EFCC1: variants seen among roughly 807,000 people sequenced by gnomAD.
EFCC1 encodes EF-hand and coiled-coil domain containing 1.
In EFCC1, 50 loss-of-function variants were observed where a neutral mutation model predicts 52.1. The ratio of observed to expected loss-of-function variants is 0.96; its 90% confidence interval spans 0.76 to 1.21. EFCC1 has a LOEUF of 1.21. Ranked by LOEUF, EFCC1 falls within the 50% of genes most tolerant of loss-of-function variation. EFCC1 has a pLI of 0.00. For missense variants in EFCC1, 837 were observed against 867.3 expected (o/e 0.97, Z 0.44); for synonymous variants, 399 against 396.5 (o/e 1.01, Z -0.08).
In EFCC1 at chr3:129,001,497, G is replaced by C. The variant is rs916569327; in HGVS notation, c.-132G>C. 16 of 1,290,110 alleles carry C rather than the reference G, an allele frequency of 1.2e-5. No homozygotes were observed. The South Asian group carries it at 2.9e-4, about 23-fold the overall frequency. The allele number at this position is 1,290,110 out of a possible 1,614,324, so 79.9% of individuals were successfully genotyped here. A position where few individuals can be genotyped will look rare whatever the true frequency, so the allele number is the denominator to read the frequency against. On this transcript the variant is annotated 5_prime_UTR_variant, in exon 1 of 8. Transcript: ENST00000683648. ...GAGGCCAGCGCAGCTGCTGGACACG[G>C]TCCCCGGCGCCGCTCCAACCAGACC...
At chr3:129,036,323 C>T (rs565487837) in intron 5 of EFCC1, among the ~76,000 whole-genome samples, 4 of 152,376 alleles carry the variant, frequency 2.6e-5, no homozygotes, top group African/African-American at 9.6e-5. Context: ...AGGCACCACA[C>T]TTTCCACTGC....
chr3:129,030,010 C>G (rs1946238667), intron 2 of EFCC1, among the ~76,000 whole-genome samples: 1 of 151,696 alleles, frequency 6.6e-6, no homozygotes, highest in Admixed American at 6.6e-5. Flanking sequence ...CATGGCAAAA[C>G]CCTGTCCCCA....
chr3:129,026,770 C>G (rs1253318550), intron 2 of EFCC1, among the ~76,000 whole-genome samples: 2 of 152,158 alleles, frequency 1.3e-5, no homozygotes, highest in African/African-American at 4.8e-5. Context: ...GAGATCTCAA[C>G]TATTATGACC....
chr3:129,022,795 CCCCATGGCT>C (rs773027630), intron 2 of EFCC1, among the ~76,000 whole-genome samples: 39 of 152,200 alleles, frequency 2.6e-4, no homozygotes, highest in Non-Finnish European at 3.7e-4. Context: ...AGACCATTTC[CCCCATGGCT>C]CCCGAAAGAC....
chr3:129,038,780 C>T (rs1286291291), intron 6 of EFCC1, 51 bp from the exon 7 acceptor site: 1 of 1,586,304 alleles, frequency 6.3e-7, no homozygotes, highest in Non-Finnish European at 8.6e-7. Flanking sequence ...ATCGGCTGAA[C>T]AGGGACACAG....
Position 129,002,139 on chromosome 3 carries a change from G to T in EFCC1, c.511G>T (p.Glu171Ter), listed in dbSNP as rs529712866. 5 of 1,474,814 alleles carry T rather than the reference G, an allele frequency of 3.4e-6. No homozygotes were observed. The South Asian group carries it at 6.8e-5, about 20-fold the overall frequency. The allele number at this position is 1,474,814 out of a possible 1,614,324, so 91.4% of individuals were successfully genotyped here. The change falls in exon 1 of 8, where the codon GAG (glutamate) becomes TAG (stop). Residue 171 changes from glutamate to a stop codon, truncating the protein, a stop_gained. Coordinates refer to ENST00000683648, the MANE Select transcript of EFCC1 (RefSeq NM_001377500.1). LOFTEE classifies it high-confidence loss of function. ...CCGCGGCGCTCTCAGCGAGCACATC[G>T]AGACGCAGATCCGCCTGCGCCGTCC... Reference protein sequence around the residue: ...LPRGALSEHIETQIRLRRPRR... With the variant: ...LPRGALSEHI
Position 129,011,690 on chromosome 3 carries a change from C to T in EFCC1, c.980+7613C>T, listed in dbSNP as rs188994281. On this transcript the variant is annotated intron_variant, in intron 2 of 7. Coordinates refer to ENST00000683648, the MANE Select transcript of EFCC1 (RefSeq NM_001377500.1). ...GGAGGAGGAGCCGTGGGCTCTCTGTCGAGGTGGCTGATCAGTGGTGTCCCC... is the reference window on the plus strand; with the variant it reads ...GGAGGAGGAGCCGTGGGCTCTCTGTTGAGGTGGCTGATCAGTGGTGTCCCC... Among the ~76,000 whole-genome samples the T allele has an allele frequency of 2.0e-4, 30 of 152,172 alleles. No individual in the cohort carries two copies. The East Asian group carries it at 5.6e-3, about 28-fold the overall frequency.
At position 129,032,938 on chromosome 3, in the gene EFCC1, C is replaced by G; in HGVS notation, c.1258C>G (p.Leu420Val). The G allele has an allele frequency of 6.5e-7, 1 of 1,547,626 alleles. No homozygotes were observed. Among genetic ancestry groups the G allele is most frequent in the Non-Finnish European group, 8.7e-7 (1 of 1,144,900 alleles). ...GCCGGCAGCCGAGGCCAAGACACTG[C>G]TGGCCCGGCTCTCCAGCTGCAGAGG... ...KTPAAEAKTL[L>V]ARLSSCRGRC... The change falls in exon 4 of 8, where the codon CTG becomes GTG. Residue 420 changes from leucine to valine, a missense_variant. Coordinates refer to ENST00000683648, the MANE Select transcript of EFCC1 (RefSeq NM_001377500.1).
chr3:129,026,166 G>A (rs770082738), intron 2 of EFCC1, among the ~76,000 whole-genome samples: 6 of 152,224 alleles, frequency 3.9e-5, no homozygotes, highest in Non-Finnish European at 4.4e-5. Flanking sequence ...AGTTGGTATT[G>A]TCGTTGCTGT....
chr3:129,032,540 G>A (rs1272305965), intron 3 of EFCC1, among the ~76,000 whole-genome samples: 1 of 151,960 alleles, frequency 6.6e-6, no homozygotes, highest in Non-Finnish European at 1.5e-5. Flanking sequence ...AGAAAAGAAA[G>A]AGAAGAAAAA....
At chr3:129,025,204 C>T (rs928739970) in intron 2 of EFCC1, among the ~76,000 whole-genome samples, 2 of 152,130 alleles carry the variant, frequency 1.3e-5, no homozygotes, top group African/African-American at 4.8e-5. Context: ...AAAGCCATGG[C>T]GTTGGCTGAG....
At chr3:129,028,948 C>CT (rs1946208517) in intron 2 of EFCC1, among the ~76,000 whole-genome samples, 2 of 152,260 alleles carry the variant, frequency 1.3e-5, no homozygotes, top group Non-Finnish European at 2.9e-5. Flanking sequence ...GCCTCATTGG[C>CT]TTTTTTAAAG....
intron 1 of EFCC1, 47 bp downstream of exon 1, chr3:129,002,371 T>C: frequency 6.7e-7 from 1 of 1,485,856 alleles, no homozygotes; most frequent in Non-Finnish European, 8.9e-7. Flanking sequence ...GGGAGAGGGC[T>C]CGAACTAAAA....
intron 2 of EFCC1, among the ~76,000 whole-genome samples, chr3:129,023,850 C>T (rs1328258778): frequency 6.6e-6 from 1 of 152,210 alleles, no homozygotes; most frequent in Non-Finnish European, 1.5e-5. Flanking sequence ...TTCCACAGGA[C>T]AAAGCTGATA....
Position 129,039,817 on chromosome 3 carries a change from C to T in EFCC1, c.1769C>T (p.Ala590Val), listed in dbSNP as rs770823944. 37 of 1,610,792 alleles carry T rather than the reference C, an allele frequency of 2.3e-5. No individual in the cohort carries two copies. Among genetic ancestry groups the T allele is most frequent in the East Asian group, 2.0e-4 (9 of 44,686 alleles). ...QPSAPASAAA[A>V]LTNPLLVSC ...TCGGCACCAGCCTCTGCAGCAGCTG[C>T]GCTCACCAACCCCCTCCTCGTCTCC... is the stretch of plus-strand genomic sequence containing the variant. The change falls in exon 8 of 8, where the codon GCG (alanine) becomes GTG (valine). Residue 590 changes from alanine to valine, a missense_variant. By Grantham distance (64) the Ala-to-Val change is moderately conservative. Coordinates refer to ENST00000683648, the MANE Select transcript of EFCC1 (RefSeq NM_001377500.1).
Position 129,002,155 on chromosome 3 carries a change from T to G in EFCC1, c.527T>G (p.Leu176Arg). The change falls in exon 1 of 8, where the codon CTG (leucine) becomes CGG (arginine). Residue 176 changes from leucine (L) to arginine (R), a missense_variant. Transcript: ENST00000683648. The part of the protein sequence containing the change: ...LSEHIETQIR[L>R]RRPRRRRRPP... ...GAGCACATCGAGACGCAGATCCGCC[T>G]GCGCCGTCCGCGCCGCCGCCGCCGC... 1 of 1,471,148 alleles carries G rather than the reference T, an allele frequency of 6.8e-7. No homozygotes were observed. The highest frequency in any genetic ancestry group is 8.9e-7 in the Non-Finnish European group (1 of 1,121,784). 91.1% of individuals were successfully genotyped at this position (1,471,148 alleles called of 1,614,324 possible). A position where few individuals can be genotyped will look rare whatever the true frequency, so the allele number is the denominator to read the frequency against.
At chr3:129,016,874 G>A (rs1945609238) in intron 2 of EFCC1, among the ~76,000 whole-genome samples, 1 of 152,208 alleles carries the variant, frequency 6.6e-6, no homozygotes, top group African/African-American at 2.4e-5. Flanking sequence ...CAGTGATGAT[G>A]CTTTATGCTG....
Position 129,031,428 on chromosome 3 carries a change from G to A in EFCC1, c.1138+568G>A, listed in dbSNP as rs146917736. On this transcript the variant is annotated intron_variant, in intron 3 of 7. Transcript: ENST00000683648. ...TGCACTCCAGCCTAGGTGACAGAGT[G>A]GGGCCCTGCCCCCCTAAAGAAAAAA... is the stretch of plus-strand genomic sequence containing the variant. Among the ~76,000 whole-genome samples the A allele has an allele frequency of 7.2e-5, 11 of 152,244 alleles. No homozygotes were observed. The East Asian group carries it at 2.1e-3, about 29-fold the overall frequency.
chr3:129,030,700 C>A lies in EFCC1; in HGVS notation c.981-3C>A. 1 of 1,550,996 alleles carries A rather than the reference C, an allele frequency of 6.4e-7. No homozygotes were observed. Among genetic ancestry groups the A allele is most frequent in the Non-Finnish European group, 8.7e-7 (1 of 1,146,560 alleles). On this transcript the variant is annotated splice_polypyrimidine_tract_variant and splice_region_variant and intron_variant, in intron 2 of 7. Transcript: ENST00000683648. ...AATGCCTGTGTCTCTCCCACGGCTGCAGGTCAGAGGATTCCCAGCTCCCAA... is the reference window on the plus strand; with the variant it reads ...AATGCCTGTGTCTCTCCCACGGCTGAAGGTCAGAGGATTCCCAGCTCCCAA...
Sources: gnomAD v4.1 joint callset for allele counts (sites outside exome capture counted in the v4.1 genomes callset) on GRCh38, gnomAD v4.1.1 for gene constraint, MANE v1.5 for transcripts, NCBI Gene and HGNC (gene_info 2026-07-23, HGNC 2026-07-21) for gene names.